KLC1: variants seen among roughly 807,000 people sequenced by gnomAD.
The protein encoded by KLC1 is kinesin light chain 1.
In KLC1, 30 loss-of-function variants were observed where a neutral mutation model predicts 84.2. The observed-to-expected ratio is 0.36, with a 90% CI of 0.27 to 0.48. The LOEUF is 0.48. KLC1 is among the 20% of genes least tolerant of loss of function. KLC1 has a pLI of 0.99. For missense variants in KLC1, 499 were observed against 805.4 expected (o/e 0.62, Z 4.60); for synonymous variants, 289 against 293.3 (o/e 0.99, Z 0.15).
Position 103,686,034 on chromosome 14 carries a change from C to T in KLC1, c.1651-1047C>T, listed in dbSNP as rs1299810908. The T allele has an allele frequency of 7.6e-6, 8 of 1,050,726 alleles. No homozygotes were observed. In the South Asian group the frequency reaches 1.3e-4, roughly 16 times the overall value. The allele number at this position is 1,050,726 out of a possible 1,614,324, so 65.1% of individuals were successfully genotyped here. ...GCCTTACAGCAAGGCATGTGCCGCA[C>T]GTGCTCCGTGGTACTTAGAGCCCTG... On this transcript the variant is annotated intron_variant, in intron 13 of 16. Transcript: ENST00000334553.
intron 3 of KLC1, among the ~76,000 whole-genome samples, chr14:103,661,458 G>A (rs1334590873): frequency 6.6e-6 from 1 of 152,146 alleles, no homozygotes; most frequent in Non-Finnish European, 1.5e-5. Flanking sequence ...ATGCATCCCA[G>A]ACAGGAATAT....
chr14:103,662,936 CTT>C lies in KLC1; in HGVS notation c.797+12_797+13del, dbSNP rs776868376. 5 of 1,580,406 alleles carry C rather than the reference CTT, an allele frequency of 3.2e-6. No homozygotes were observed. In the South Asian group the frequency reaches 3.4e-5, roughly 11 times the overall value. On this transcript the variant is annotated intron_variant, in intron 5 of 16. Coordinates refer to ENST00000334553, the MANE Select transcript of KLC1 (RefSeq NM_001394837.1). ...CTGGCCTTGGTGTACAGGCTAGTCA[CTT>C]TTGTTTACCTACTGAATTTTACCTA... is the stretch of plus-strand genomic sequence containing the variant.
chr14:103,652,138 T>A (rs1047856837), intron 1 of KLC1, among the ~76,000 whole-genome samples: 4 of 152,216 alleles, frequency 2.6e-5, no homozygotes, highest in Non-Finnish European at 5.9e-5. Flanking sequence ...TACTTTGCTG[T>A]CAGGGTGGAA....
Position 103,700,718 on chromosome 14 carries a change from C to T in KLC1, c.1912C>T (p.His638Tyr), listed in dbSNP as rs201557316. 35 of 1,600,404 alleles carry T rather than the reference C, an allele frequency of 2.2e-5. No homozygotes were observed. The highest frequency in any genetic ancestry group is 2.8e-5 in the Non-Finnish European group (33 of 1,174,598). ...RQQQQWPGRRHR is the reference protein window; with the variant it reads ...RQQQQWPGRRYR ...GCAGCAGCAGTGGCCTGGAAGACGC[C>T]ACCGCTAACGTGAGTCCCACGGCCT... Residue 638 changes from histidine to tyrosine, a missense_variant, in exon 16 of 17, where the codon CAC becomes TAC. This residue lies in a region of KLC1 where 167 missense variants were observed against 208.8 expected (regional missense o/e 0.80). Coordinates refer to ENST00000334553, the MANE Select transcript of KLC1 (RefSeq NM_001394837.1).
chr14:103,646,573 C>T (rs2077947646), intron 1 of KLC1, among the ~76,000 whole-genome samples: 1 of 152,090 alleles, frequency 6.6e-6, no homozygotes, highest in African/African-American at 2.4e-5. Context: ...TGCAGTGGCA[C>T]AGTCATGGCT....
chr14:103,692,326 G>A (rs1447889297), intron 14 of KLC1, 33 bp from the exon 15 acceptor site: 2 of 1,533,950 alleles, frequency 1.3e-6, no homozygotes, highest in Non-Finnish European at 1.7e-6. Context: ...TGTGCTGATC[G>A]TTTGTCCTTG....
At chr14:103,689,606 C>T (rs1228845997) in intron 14 of KLC1, among the ~76,000 whole-genome samples, 2 of 152,178 alleles carry the variant, frequency 1.3e-5, no homozygotes, top group African/African-American at 4.8e-5. Context: ...CCTGAGTTTC[C>T]AATTCCTGAG....
At chr14:103,657,484 G>A (rs1267269182) in intron 2 of KLC1, 62 bp from the exon 3 acceptor site, 6 of 1,343,984 alleles carry the variant, frequency 4.5e-6, no homozygotes, top group Admixed American at 3.5e-5. Context: ...ATGTTCGCAC[G>A]GGTGGGAGGG....
At chr14:103,681,633 A>T (rs1567035321) in intron 13 of KLC1, among the ~76,000 whole-genome samples, 3 of 151,854 alleles carry the variant, frequency 2.0e-5, no homozygotes, top group Admixed American at 2.0e-4. Flanking sequence ...TAATTTTTTT[A>T]TTTTTAGTAG....
At chr14:103,666,800 G>A (rs1439150053) in intron 5 of KLC1, among the ~76,000 whole-genome samples, 5 of 133,032 alleles carry the variant, frequency 3.8e-5, no homozygotes, top group Non-Finnish European at 1.6e-5. Context: ...TTTTTGATAC[G>A]GAGTCTTGCT....
chr14:103,642,791 G>A (rs544649734), intron 1 of KLC1, among the ~76,000 whole-genome samples: 100 of 144,050 alleles, frequency 6.9e-4, no homozygotes, highest in African/African-American at 2.5e-3. Context: ...TTTTTGAGAC[G>A]GAGTCTCACT....
At chr14:103,635,137 A>T (rs1388088533) in intron 1 of KLC1, among the ~76,000 whole-genome samples, 1 of 152,258 alleles carries the variant, frequency 6.6e-6, no homozygotes, top group South Asian at 2.1e-4. Context: ...TGGAGCAAAC[A>T]TGTTAAGCTG....
chr14:103,666,296 C>A (rs1312343194), intron 5 of KLC1, among the ~76,000 whole-genome samples: 2 of 152,114 alleles, frequency 1.3e-5, no homozygotes, highest in South Asian at 2.1e-4. Context: ...ATCTCCTGAC[C>A]TTGTGATCCA....
intron 1 of KLC1, among the ~76,000 whole-genome samples, chr14:103,649,655 A>C (rs1472960756): frequency 6.6e-6 from 1 of 151,328 alleles, no homozygotes; most frequent in East Asian, 1.9e-4. Flanking sequence ...CCTGTTGAAC[A>C]ATAGCCTTAA....
chr14:103,643,003 T>A (rs913717429), intron 1 of KLC1, among the ~76,000 whole-genome samples: 4 of 152,148 alleles, frequency 2.6e-5, no homozygotes, highest in African/African-American at 2.4e-5. Flanking sequence ...ACTCCTGACC[T>A]CAGGTAATCC....
intron 13 of KLC1, chr14:103,682,844 C>A (rs1261160943): frequency 6.9e-6 from 1 of 145,278 alleles, no homozygotes; most frequent in Admixed American, 6.9e-5. Flanking sequence ...GGCACAATCT[C>A]CACTCACTGC....
At chr14:103,667,675 A>G (rs1436906720) in intron 5 of KLC1, among the ~76,000 whole-genome samples, 1 of 152,210 alleles carries the variant, frequency 6.6e-6, no homozygotes, top group Admixed American at 6.5e-5. Flanking sequence ...GCTGACTTTC[A>G]CAAAAAGTTT....
intron 2 of KLC1, among the ~76,000 whole-genome samples, chr14:103,656,463 T>G (rs1196675934): frequency 6.6e-6 from 1 of 152,212 alleles, no homozygotes; most frequent in Non-Finnish European, 1.5e-5. Flanking sequence ...ATATCTTAGG[T>G]AAAATTAAAT....
intron 5 of KLC1, 74 bp from the exon 6 acceptor site, chr14:103,669,437 A>AAAAAGAAAAAAG: frequency 1.2e-6 from 1 of 857,158 alleles, no homozygotes; most frequent in African/African-American, 1.7e-5. Flanking sequence ...CTGTCTAAAA[A>AAAAAGAAAAAAG]AAAAGAAAAG....
Sources: allele counts gnomAD v4.1 joint callset (sites outside exome capture counted in the v4.1 genomes callset), GRCh38; gene constraint gnomAD v4.1.1; regional missense constraint gnomAD v4.1.1; transcripts MANE v1.5; gene names NCBI Gene and HGNC (gene_info 2026-07-23, HGNC 2026-07-21).